ATP11A: variants seen among roughly 807,000 people sequenced by gnomAD.
ATP11A encodes phospholipid-transporting ATPase IH.
ATP11A carries 81 observed loss-of-function variants against 154.4 expected under a neutral mutation model. The ratio of observed to expected loss-of-function variants is 0.52; its 90% CI spans 0.44 to 0.63. The LOEUF (loss-of-function observed/expected upper bound fraction) is 0.63, where lower values mean the gene tolerates loss of function less well. Among genes scored for constraint, ATP11A ranks in the 30% least tolerant of loss-of-function variants. ATP11A has a pLI of 0.00. For synonymous variants in ATP11A, 623 were observed against 585.9 expected, an observed-to-expected ratio of 1.06 and a Z score of -0.91; for missense variants, 1,316 against 1,474.3, an observed-to-expected ratio of 0.89 and a Z score of 1.76.
rs112822166 is a variant in ATP11A, at chr13:112,728,621, C to T, written c.39+38166C>T. On this transcript the variant is annotated intron_variant, in intron 1 of 29. Transcript: ENST00000375645. ...GGGGGGGCCGTGAGACCGTGCGGCC[C>T]GCCTCCCTGTGTTACCTGTATGTAC... 5.7e-3 allele frequency among the ~76,000 whole-genome samples: 854 copies of T among 149,042 alleles called. 5 individuals are homozygous for T. Among genetic ancestry groups the T allele is most frequent in the African/African-American group, 0.021 (818 of 39,776 alleles).
intron 2 of ATP11A, among the ~76,000 whole-genome samples, chr13:112,802,298 A>G (rs905562089): frequency 1.3e-5 from 2 of 152,106 alleles, no homozygotes; most frequent in African/African-American, 4.8e-5. Flanking sequence ...GTGAGCCGAG[A>G]TCGCGCCACT....
chr13:112,881,303 C>T (rs2080877329), intron 29 of ATP11A: 1 of 1,000,580 alleles, frequency 1.0e-6, no homozygotes, highest in Admixed American at 5.4e-5. Context: ...CAGGCCCCAT[C>T]CGTATGGTGA....
intron 1 of ATP11A, among the ~76,000 whole-genome samples, chr13:112,777,924 T>TGC (rs1399117141): frequency 6.6e-6 from 1 of 152,136 alleles, no homozygotes; most frequent in East Asian, 1.9e-4. Flanking sequence ...CTCTCGGAGG[T>TGC]GCTCTTATGG....
At chr13:112,854,010 A>T (rs1311740091) in intron 18 of ATP11A, among the ~76,000 whole-genome samples, 1 of 152,186 alleles carries the variant, frequency 6.6e-6, no homozygotes, top group Non-Finnish European at 1.5e-5. Flanking sequence ...GTCAGACGTC[A>T]GTGACACAAG....
chr13:112,797,284 CAAA>C (rs34154413), intron 2 of ATP11A, among the ~76,000 whole-genome samples: 2 of 36,282 alleles, frequency 5.5e-5, no homozygotes, highest in African/African-American at 2.3e-4. Flanking sequence ...AACTCCATCT[CAAA>C]AAAAAAAAAA....
intron 18 of ATP11A, 109 bp downstream of exon 18, chr13:112,851,327 CG>C (rs2140324616): frequency 9.1e-7 from 1 of 1,097,042 alleles, no homozygotes; most frequent in East Asian, 2.4e-5. Context: ...GCACAGCCGA[CG>C]GGGCGTGTTT....
chr13:112,785,573 G>A lies in ATP11A; in HGVS notation c.162+316G>A, dbSNP rs1271784082. On this transcript the variant is annotated intron_variant, in intron 2 of 29. Coordinates refer to ENST00000375645, the MANE Select transcript of ATP11A (RefSeq NM_015205.3). This position sits in a 1 kb window ranked among gnomAD's most constrained non-coding sequence, Gnocchi z 4.8. ...CCTACCCAGGTCCCACTTCTGAGGC[G>A]CCTGGCCACGTGCTTGTCGTGGGCC... 4.6e-5 allele frequency among the ~76,000 whole-genome samples: 7 copies of A among 152,074 alleles called. No individual in the cohort carries two copies. The highest frequency in any genetic ancestry group is 9.7e-5 in the African/African-American group (4 of 41,404).
At chr13:112,811,890 G>T (rs1164571445) in intron 5 of ATP11A, 4 of 152,220 alleles carry the variant, frequency 2.6e-5, no homozygotes, top group Non-Finnish European at 5.9e-5. Context: ...ACAGGCATAA[G>T]CCACCGCATC....
rs1319171796 is a variant in ATP11A at position 112,866,199 on chromosome 13, CTG to C, written c.2991+3628_2991+3629del. ...AGACAATCATGGGTTTGTCGTTTCT[CTG>C]TGTTTTTGGAGTGCATTACAAATGA... On this transcript the variant is annotated intron_variant, in intron 25 of 29. Coordinates refer to ENST00000375645, the MANE Select transcript of ATP11A (RefSeq NM_015205.3). Among the ~76,000 whole-genome samples the C allele has an allele frequency of 2.6e-5, 4 of 152,190 alleles. No homozygotes were observed. The East Asian group carries it at 7.7e-4, about 29-fold the overall frequency.
intron 8 of ATP11A, 56 bp downstream of exon 8, chr13:112,820,006 T>C: frequency 6.7e-7 from 1 of 1,487,586 alleles, no homozygotes; most frequent in Non-Finnish European, 9.0e-7. Context: ...GCGTTAGAAA[T>C]GCATTCTTTG....
chr13:112,851,072 G>C lies in ATP11A; in HGVS notation c.1845G>C (p.Arg615Ser), dbSNP rs2079750581. The C allele has an allele frequency of 6.2e-7, 1 of 1,614,212 alleles. No homozygotes were observed. The highest frequency in any genetic ancestry group is 1.1e-5 in the South Asian group (1 of 91,090). ...GAACTTTGTGTGTTGCTTATAAAAG[G>C]CTGATCCAAGAAGAATATGAAGGCA... ...GLRTLCVAYK[R>S]LIQEEYEGIC... Residue 615 changes from arginine to serine, a missense_variant, in exon 18 of 30, where the codon AGG becomes AGC. Physicochemically the swap from Arg to Ser is moderately radical, Grantham distance 110. Around this residue, in one of 5 missense-constraint regions of ATP11A, gnomAD observed 876 missense variants for 1,006.8 expected, o/e 0.87. Transcript: ENST00000375645.
chr13:112,773,678 A>G (rs565895207), intron 1 of ATP11A, among the ~76,000 whole-genome samples: 1 of 152,234 alleles, frequency 6.6e-6, no homozygotes, highest in Admixed American at 6.5e-5. Flanking sequence ...TCCTTCCTCA[A>G]CACTGTTGAT....
intron 29 of ATP11A, chr13:112,880,457 G>T (rs2080851247): frequency 8.2e-6 from 9 of 1,102,860 alleles, no homozygotes; most frequent in Non-Finnish European, 1.1e-5. Flanking sequence ...CTTCCTGCTG[G>T]GGTCCCACGG....
chr13:112,718,287 C>T (rs369216662), intron 1 of ATP11A, among the ~76,000 whole-genome samples: 38 of 152,302 alleles, frequency 2.5e-4, no homozygotes, highest in Admixed American at 1.0e-3. Context: ...ATTTTTTTGA[C>T]GCTTTAACAA....
chr13:112,732,721 T>TA (rs1421531871), intron 1 of ATP11A, among the ~76,000 whole-genome samples: 3 of 152,202 alleles, frequency 2.0e-5, no homozygotes, highest in Non-Finnish European at 4.4e-5. Context: ...AAGCGATTCT[T>TA]ACGCCTCATC....
intron 2 of ATP11A, among the ~76,000 whole-genome samples, chr13:112,802,663 T>C (rs1015315728): frequency 2.0e-5 from 3 of 150,318 alleles, no homozygotes; most frequent in Admixed American, 6.6e-5. Context: ...AAATGTATAA[T>C]AATGAAACTT....
At position 112,882,131 on chromosome 13, in the gene ATP11A, G is replaced by C. The variant is rs2080901880; in HGVS notation, c.*265G>C. On this transcript the variant is annotated 3_prime_UTR_variant, in exon 30 of 30. Coordinates refer to ENST00000375645, the MANE Select transcript of ATP11A (RefSeq NM_015205.3). The surrounding 1 kb of genome is among the most constrained non-coding windows in gnomAD (Gnocchi z 5.1). ...CCTGGCCCCCAGCAGGCAAGGAGGG[G>C]GGTCACAGGCCTTGCCCTCGAGCAT... 1 of 1,329,730 alleles carries C rather than the reference G, an allele frequency of 7.5e-7. No individual in the cohort carries two copies. The highest frequency in any genetic ancestry group is 1.2e-5 in the South Asian group (1 of 83,492). The allele number at this position is 1,329,730 out of a possible 1,614,324, so 82.4% of individuals were successfully genotyped here.
chr13:112,785,840 C>G lies in ATP11A; in HGVS notation c.162+583C>G, dbSNP rs2077612014. On this transcript the variant is annotated intron_variant, in intron 2 of 29. Coordinates refer to ENST00000375645, the MANE Select transcript of ATP11A (RefSeq NM_015205.3). The surrounding 1 kb of genome is among the most constrained non-coding windows in gnomAD (Gnocchi z 4.8). ...ACATTTCCCACGTTCAGAGAGTGAC[C>G]TGGAAACAGGTCTTAAGAACAAGGT... 6.6e-6 allele frequency among the ~76,000 whole-genome samples: 1 copy of G among 152,212 alleles called. No homozygotes were observed. The highest frequency in any genetic ancestry group is 1.5e-5 in the Non-Finnish European group (1 of 68,042).
intron 1 of ATP11A, among the ~76,000 whole-genome samples, chr13:112,738,654 G>A (rs1055347343): frequency 1.9e-4 from 29 of 152,258 alleles, no homozygotes; most frequent in African/African-American, 6.3e-4. Context: ...AAGGCAATGT[G>A]GCTCAGTTCT....
Sources: allele counts gnomAD v4.1 joint callset (sites outside exome capture counted in the v4.1 genomes callset), GRCh38; gene constraint gnomAD v4.1.1; regional missense constraint gnomAD v4.1.1; non-coding constraint Gnocchi (gnomAD v3.1); transcripts MANE v1.5; gene names NCBI Gene and HGNC (gene_info 2026-07-23, HGNC 2026-07-21).